SLMAP: variants seen among roughly 807,000 people sequenced by gnomAD.
The protein encoded by SLMAP is sarcolemmal membrane-associated protein.
Under a neutral mutation model 128.8 loss-of-function variants are expected in SLMAP, and 44 were observed. The ratio of observed to expected loss-of-function variants is 0.34; its 90% confidence interval spans 0.27 to 0.44. The LOEUF (loss-of-function observed/expected upper bound fraction) is 0.44, where lower values mean the gene tolerates loss of function less well. Among genes scored for constraint, SLMAP ranks in the 20% least tolerant of loss-of-function variants. The probability of loss-of-function intolerance (pLI) is 1.00; values close to 1 mark genes in which losing one functional copy is unlikely to be tolerated. For synonymous variants in SLMAP, 327 were observed against 348.8 expected, an observed-to-expected ratio of 0.94 and a Z score of 0.70; for missense variants, 787 against 985.3, an observed-to-expected ratio of 0.80 and a Z score of 2.69.
chr3:57,864,770 T>C, intron 11 of SLMAP, 37 bp from the exon 12 acceptor site: 1 of 1,564,070 alleles, frequency 6.4e-7, no homozygotes, highest in Admixed American at 2.0e-5. Flanking sequence ...TTGTTATCTG[T>C]GAAATATCTT....
At chr3:57,906,324 T>C (rs1363515173) in intron 17 of SLMAP, among the ~76,000 whole-genome samples, 4 of 129,428 alleles carry the variant, frequency 3.1e-5, no homozygotes, top group African/African-American at 1.1e-4. Context: ...TTTTTTTTTT[T>C]TTTTTTTTAG....
At chr3:57,888,395 C>T (rs1045192372) in intron 14 of SLMAP, among the ~76,000 whole-genome samples, 2 of 151,918 alleles carry the variant, frequency 1.3e-5, no homozygotes, top group African/African-American at 2.4e-5. Flanking sequence ...GAGGCTGAGG[C>T]GGGTGGAGGT....
At chr3:57,771,423 A>T (rs1260316668) in intron 2 of SLMAP, among the ~76,000 whole-genome samples, 1 of 152,044 alleles carries the variant, frequency 6.6e-6, no homozygotes, top group East Asian at 1.9e-4. Flanking sequence ...TAGAGATGGA[A>T]TCTCGCCATG....
chr3:57,820,559 C>T (rs266837), intron 2 of SLMAP, among the ~76,000 whole-genome samples: 24,013 of 152,178 alleles, frequency 0.16, 2,445 homozygotes, highest in East Asian at 0.43. Context: ...TATCTGTAAA[C>T]GCGAGGGCAA....
intron 2 of SLMAP, among the ~76,000 whole-genome samples, chr3:57,760,090 C>T (rs753813298): frequency 6.6e-6 from 1 of 152,138 alleles, no homozygotes; most frequent in Non-Finnish European, 1.5e-5. Context: ...CAGGCGCATG[C>T]CACCATGCCC....
At chr3:57,897,028 T>G in intron 17 of SLMAP, 96 bp downstream of exon 17, 2 of 1,563,858 alleles carry the variant, frequency 1.3e-6, no homozygotes. Context: ...TTTTAATTTT[T>G]AGTTAAGAGA....
intron 2 of SLMAP, among the ~76,000 whole-genome samples, chr3:57,781,006 A>G (rs2082933706): frequency 9.7e-6 from 1 of 103,586 alleles, no homozygotes; most frequent in African/African-American, 3.1e-5. Flanking sequence ...GTATGCACAT[A>G]TATATATACA....
chr3:57,909,022 A>C (rs2096631250), intron 18 of SLMAP, 54 bp from the exon 19 acceptor site: 1 of 1,251,438 alleles, frequency 8.0e-7, no homozygotes, highest in African/African-American at 1.5e-5. Flanking sequence ...CTCAACTCTG[A>C]GTACTTTCAT....
intron 2 of SLMAP, among the ~76,000 whole-genome samples, chr3:57,778,710 G>A (rs981940884): frequency 2.6e-5 from 4 of 151,404 alleles, no homozygotes; most frequent in Admixed American, 2.6e-4. Flanking sequence ...TGAGTAGCTA[G>A]GACTACAGGT....
intron 2 of SLMAP, among the ~76,000 whole-genome samples, chr3:57,759,978 T>C (rs1480422051): frequency 6.6e-6 from 1 of 152,048 alleles, no homozygotes; most frequent in Non-Finnish European, 1.5e-5. Context: ...TCTCGCTCTG[T>C]GGCCAGGCTA....
intron 2 of SLMAP, among the ~76,000 whole-genome samples, chr3:57,790,162 A>G (rs1278278861): frequency 6.6e-6 from 1 of 152,226 alleles, no homozygotes; most frequent in Non-Finnish European, 1.5e-5. Flanking sequence ...TCTTAAAGCC[A>G]GAAACTTATC....
chr3:57,886,797 T>A (rs2095901674), intron 14 of SLMAP, among the ~76,000 whole-genome samples: 1 of 151,986 alleles, frequency 6.6e-6, no homozygotes, highest in Non-Finnish European at 1.5e-5. Context: ...GCACAATATA[T>A]TTTAAATGAC....
chr3:57,813,244 C>A (rs1043090059), intron 2 of SLMAP, among the ~76,000 whole-genome samples: 1 of 151,910 alleles, frequency 6.6e-6, no homozygotes, highest in African/African-American at 2.4e-5. Flanking sequence ...TACAGGCATG[C>A]GCCACTGTGC....
At chr3:57,921,907 G>A (rs1432265270) in intron 22 of SLMAP, among the ~76,000 whole-genome samples, 3 of 152,118 alleles carry the variant, frequency 2.0e-5, no homozygotes, top group Admixed American at 1.3e-4. Flanking sequence ...GTTTTGCCAT[G>A]TTGGCCAGGC....
intron 2 of SLMAP, among the ~76,000 whole-genome samples, chr3:57,768,729 C>T (rs1358736893): frequency 6.6e-6 from 1 of 152,058 alleles, no homozygotes; most frequent in African/African-American, 2.4e-5. Flanking sequence ...TTAGATGTGA[C>T]TAACATTTAT....
At chr3:57,809,715 T>C (rs77247056) in intron 2 of SLMAP, among the ~76,000 whole-genome samples, 494 of 152,234 alleles carry the variant, frequency 3.2e-3, no homozygotes, top group Non-Finnish European at 5.2e-3. Flanking sequence ...ACCAACTGGC[T>C]CACATTTCCT....
chr3:57,866,269 T>C (rs1158414509), intron 13 of SLMAP, among the ~76,000 whole-genome samples: 1 of 129,396 alleles, frequency 7.7e-6, no homozygotes, highest in African/African-American at 2.9e-5. Context: ...AGGCCCTGTC[T>C]TTAAAAAAGA....
chr3:57,761,003 A>G (rs1251856572), intron 2 of SLMAP, among the ~76,000 whole-genome samples: 1 of 151,070 alleles, frequency 6.6e-6, no homozygotes, highest in Non-Finnish European at 1.5e-5. Flanking sequence ...CTGGGATTAC[A>G]GGCATGAGCC....
At chr3:57,825,500 CTTTTTT>C (rs539901060) in intron 2 of SLMAP, among the ~76,000 whole-genome samples, 1 of 106,582 alleles carries the variant, frequency 9.4e-6, no homozygotes, top group Non-Finnish European at 2.0e-5. Flanking sequence ...TGTGTGTTTT[CTTTTTT>C]TTTTTTTTTT....
Sources: gnomAD v4.1 joint callset for allele counts (sites outside exome capture counted in the v4.1 genomes callset) on GRCh38, gnomAD v4.1.1 for gene constraint, MANE v1.5 for transcripts, NCBI Gene and HGNC (gene_info 2026-07-23, HGNC 2026-07-21) for gene names.